The following PACRG variants were observed in gnomAD, a reference collection of about 807,000 sequenced individuals.
PACRG encodes the protein parkin coregulated gene protein.
In PACRG, 29 loss-of-function variants were observed where a neutral mutation model predicts 29.7. The observed-to-expected ratio is 0.98, with a 90% confidence interval of 0.73 to 1.33. The LOEUF is 1.33. PACRG is among the 40% of genes most tolerant of loss of function. The probability of loss-of-function intolerance (pLI) is 0.00; values close to 1 mark genes in which losing one functional copy is unlikely to be tolerated. For synonymous variants in PACRG, 116 were observed against 118.7 expected (o/e 0.98, Z 0.15); for missense variants, 279 against 316.2 (o/e 0.88, Z 0.89).
At chr6:162,932,925 G>C (rs890144341) in intron 2 of PACRG, among the ~76,000 whole-genome samples, 1 of 149,062 alleles carries the variant, frequency 6.7e-6, no homozygotes, top group Admixed American at 6.7e-5. Context: ...TTTTTTTCTT[G>C]CTTTTCTAAT....
chr6:162,987,397 A>G (rs1164175199), intron 2 of PACRG, among the ~76,000 whole-genome samples: 1 of 152,124 alleles, frequency 6.6e-6, no homozygotes, highest in Non-Finnish European at 1.5e-5. Context: ...TGGTTTGGCT[A>G]TGTCCCCACC....
intron 1 of PACRG, among the ~76,000 whole-genome samples, chr6:162,785,798 C>A (rs989429136): frequency 1.3e-5 from 2 of 152,270 alleles, no homozygotes; most frequent in East Asian, 3.9e-4. Context: ...ACCTGCTATG[C>A]GGCCCAGTTC....
chr6:162,805,730 C>T (rs1786265202), intron 1 of PACRG, among the ~76,000 whole-genome samples: 1 of 152,208 alleles, frequency 6.6e-6, no homozygotes, highest in Admixed American at 6.5e-5. Flanking sequence ...AAAGTATCTT[C>T]ACCAGGAGTA....
intron 4 of PACRG, among the ~76,000 whole-genome samples, chr6:163,205,904 C>A (rs1780882390): frequency 6.6e-6 from 1 of 152,080 alleles, no homozygotes. Context: ...GGGCAAATGA[C>A]ATGAACAGAC....
intron 2 of PACRG, among the ~76,000 whole-genome samples, chr6:163,017,670 TGAGA>T (rs1015034030): frequency 6.6e-5 from 10 of 151,840 alleles, no homozygotes; most frequent in East Asian, 1.9e-4. Flanking sequence ...TAATCTTGAT[TGAGA>T]GAGAGAGACA....
intron 2 of PACRG, among the ~76,000 whole-genome samples, chr6:162,967,360 T>C (rs1365953943): frequency 6.6e-6 from 1 of 152,204 alleles, no homozygotes; most frequent in East Asian, 1.9e-4. Flanking sequence ...TATTAAAAGT[T>C]AAACTGTTCT....
intron 2 of PACRG, among the ~76,000 whole-genome samples, chr6:162,949,427 G>A (rs981752288): frequency 1.3e-5 from 2 of 152,144 alleles, no homozygotes; most frequent in African/African-American, 4.8e-5. Flanking sequence ...AGAATACAGT[G>A]TAATGTTCAA....
At chr6:162,727,685 G>A (rs200039995), upstream of PACRG, 8 of 1,572,824 alleles carry the variant, frequency 5.1e-6, no homozygotes, top group East Asian at 1.9e-4. Context: ...TGGGTAGGTG[G>A]CGGCTGCGGG....
chr6:162,820,504 T>G (rs1284807672), intron 2 of PACRG, among the ~76,000 whole-genome samples: 1 of 152,192 alleles, frequency 6.6e-6, no homozygotes, highest in Non-Finnish European at 1.5e-5. Flanking sequence ...CTGTAAATAT[T>G]ACTGCATTTT....
At chr6:163,081,249 AT>A (rs1165093973) in intron 3 of PACRG, among the ~76,000 whole-genome samples, 1 of 152,216 alleles carries the variant, frequency 6.6e-6, no homozygotes, top group Admixed American at 6.5e-5. Flanking sequence ...TTTATTAAAC[AT>A]TTTAACTTCA....
At chr6:162,890,890 T>C (rs1435176824) in intron 2 of PACRG, among the ~76,000 whole-genome samples, 1 of 152,116 alleles carries the variant, frequency 6.6e-6, no homozygotes, top group African/African-American at 2.4e-5. Context: ...GTTTTAATGA[T>C]AGGAGCCCAG....
At chr6:163,269,762 G>GAGAGAGAGAGACAGACAGAC (rs796202675) in intron 4 of PACRG, among the ~76,000 whole-genome samples, 2 of 51,254 alleles carry the variant, frequency 3.9e-5, no homozygotes, top group Non-Finnish European at 8.8e-5. Context: ...GAGAGAGAGA[G>GAGAGAGAGAGACAGACAGAC]AGACAGACAG....
At chr6:162,967,563 G>T (rs7752967) in intron 2 of PACRG, among the ~76,000 whole-genome samples, 23,444 of 150,892 alleles carry the variant, frequency 0.16, 3,207 homozygotes, top group African/African-American at 0.36. Context: ...CTGGAGTGCA[G>T]TGTTGCGATC....
chr6:163,182,212 C>T (rs1779707596), intron 4 of PACRG, among the ~76,000 whole-genome samples: 1 of 152,168 alleles, frequency 6.6e-6, no homozygotes, highest in African/African-American at 2.4e-5. Flanking sequence ...CCACTGCTTC[C>T]CACCAATGAG....
chr6:163,278,147 G>A (rs1784112388), intron 4 of PACRG, among the ~76,000 whole-genome samples: 1 of 152,042 alleles, frequency 6.6e-6, no homozygotes, highest in Admixed American at 6.5e-5. Flanking sequence ...TTTGAGAATT[G>A]TCTATTCATA....
At chr6:163,074,498 A>T (rs1387071260) in intron 3 of PACRG, among the ~76,000 whole-genome samples, 1 of 152,172 alleles carries the variant, frequency 6.6e-6, no homozygotes, top group African/African-American at 2.4e-5. Flanking sequence ...TGCTAGCAAA[A>T]CAGGGTGACT....
chr6:162,978,370 A>G (rs939595486), intron 2 of PACRG, among the ~76,000 whole-genome samples: 1 of 152,180 alleles, frequency 6.6e-6, no homozygotes, highest in Non-Finnish European at 1.5e-5. Flanking sequence ...GGTAACATGT[A>G]CTTTTGTTTA....
intron 4 of PACRG, among the ~76,000 whole-genome samples, chr6:163,157,924 A>C (rs1415885251): frequency 1.3e-5 from 2 of 152,238 alleles, no homozygotes; most frequent in African/African-American, 2.4e-5. Flanking sequence ...GAACATTACC[A>C]AGCTGACAGG....
chr6:163,225,957 T>A (rs1380981758), intron 4 of PACRG, among the ~76,000 whole-genome samples: 1 of 152,080 alleles, frequency 6.6e-6, no homozygotes, highest in Non-Finnish European at 1.5e-5. Context: ...GGCAGGAGGA[T>A]CACTTGAGTG....
Sources: allele counts gnomAD v4.1 joint callset (sites outside exome capture counted in the v4.1 genomes callset), GRCh38; gene constraint gnomAD v4.1.1; transcripts MANE v1.5; gene names NCBI Gene and HGNC (gene_info 2026-07-23, HGNC 2026-07-21).